Variants in CNTNAP2 observed in about 807,000 individuals in gnomAD.
CNTNAP2 encodes contactin associated protein 2.
In CNTNAP2, 98 loss-of-function variants were observed where a neutral mutation model predicts 155.2. The observed-to-expected ratio is 0.63, with a 90% CI of 0.54 to 0.75. The LOEUF (loss-of-function observed/expected upper bound fraction) is 0.75, where lower values mean the gene tolerates loss of function less well. CNTNAP2 is among the 30% of genes least tolerant of loss of function. The probability of loss-of-function intolerance (pLI) is 0.00; values close to 1 mark genes in which losing one functional copy is unlikely to be tolerated. For synonymous variants in CNTNAP2, 651 were observed against 631.2 expected, an observed-to-expected ratio of 1.03 and a Z score of -0.47; for missense variants, 1,727 against 1,688.1, an observed-to-expected ratio of 1.02 and a Z score of -0.40.
chr7:147,224,032 G>A (rs1347970213), intron 8 of CNTNAP2, among the ~76,000 whole-genome samples: 1 of 73,662 alleles, frequency 1.4e-5, no homozygotes. Flanking sequence ...TTGGCCCAAG[G>A]CCACCTGGAG....
Position 147,694,669 on chromosome 7 carries a change from G to A in CNTNAP2, c.2098+55363G>A, listed in dbSNP as rs551941833. Among the ~76,000 whole-genome samples the A allele has an allele frequency of 4.6e-5, 7 of 151,996 alleles. No individual in the cohort carries two copies. In the East Asian group the frequency reaches 1.2e-3, roughly 25 times the overall value. On this transcript the variant is annotated intron_variant, in intron 13 of 23. Transcript: ENST00000361727. ...TCCTTTAATGTCCACAGAATCTGTAGTGATGGCACCTCTTTCATTTCTGCT... is the reference window on the plus strand; with the variant it reads ...TCCTTTAATGTCCACAGAATCTGTAATGATGGCACCTCTTTCATTTCTGCT...
intron 9 of CNTNAP2, among the ~76,000 whole-genome samples, chr7:147,393,778 A>AT (rs370133618): frequency 2.5e-4 from 38 of 151,796 alleles, no homozygotes; most frequent in Admixed American, 6.6e-4. Flanking sequence ...CCTTACATGG[A>AT]TTTTTTTTAA....
intron 1 of CNTNAP2, among the ~76,000 whole-genome samples, chr7:146,709,291 T>C (rs1024367234): frequency 6.6e-6 from 1 of 152,168 alleles, no homozygotes; most frequent in African/African-American, 2.4e-5. Flanking sequence ...TGAACTTTTC[T>C]CTTCACTGTA....
chr7:148,324,794 C>A (rs869167536), intron 21 of CNTNAP2, among the ~76,000 whole-genome samples: 123 of 105,792 alleles, frequency 1.2e-3, no homozygotes, highest in African/African-American at 1.7e-3. Flanking sequence ...GACTCCATCT[C>A]AAAAAAAAAA....
Position 147,348,388 on chromosome 7 carries a change from GA to G in CNTNAP2, c.1499-47213del, listed in dbSNP as rs1182599414. 1.8e-4 allele frequency among the ~76,000 whole-genome samples: 26 copies of G among 146,150 alleles called. No individual in the cohort carries two copies. The East Asian group carries it at 2.6e-3, about 15-fold the overall frequency. On this transcript the variant is annotated intron_variant, in intron 9 of 23. Transcript: ENST00000361727. ...ACATACAAATAGCAAAAAAAAAAAT[GA>G]AAAAAAATTCTCAACATTACTAATT...
intron 1 of CNTNAP2, among the ~76,000 whole-genome samples, chr7:146,593,096 CA>C (rs1242335923): frequency 6.6e-6 from 1 of 151,896 alleles, no homozygotes; most frequent in Non-Finnish European, 1.5e-5. Flanking sequence ...CCAAAACCTC[CA>C]ACTTCATCTT....
chr7:146,351,970 CTG>C (rs1794921018), intron 1 of CNTNAP2, among the ~76,000 whole-genome samples: 2 of 152,210 alleles, frequency 1.3e-5, no homozygotes, highest in Admixed American at 6.5e-5. Context: ...AAATATTGGT[CTG>C]TGTTAGGAAG....
At chr7:148,289,242 C>A (rs1162586053) in intron 21 of CNTNAP2, among the ~76,000 whole-genome samples, 1 of 152,150 alleles carries the variant, frequency 6.6e-6, no homozygotes, top group African/African-American at 2.4e-5. Context: ...GAAGGTGAAT[C>A]TTTTCTGTGA....
chr7:146,149,995 C>T (rs184595492), intron 1 of CNTNAP2, among the ~76,000 whole-genome samples: 56 of 151,866 alleles, frequency 3.7e-4, no homozygotes, highest in Middle Eastern at 3.4e-3. Context: ...AAAAGCTAAG[C>T]TATGGGAGAA....
intron 1 of CNTNAP2, among the ~76,000 whole-genome samples, chr7:146,388,360 G>A (rs554699441): frequency 5.7e-4 from 86 of 152,006 alleles, no homozygotes; most frequent in Non-Finnish European, 1.0e-3. Flanking sequence ...ACCTGAGCCC[G>A]GGAGGTTGAG....
chr7:146,257,803 T>C (rs1799861648), intron 1 of CNTNAP2, among the ~76,000 whole-genome samples: 1 of 152,180 alleles, frequency 6.6e-6, no homozygotes. Context: ...TTGTAACAGT[T>C]CTCAACAAGA....
chr7:146,947,278 T>A (rs1300033662), intron 3 of CNTNAP2, among the ~76,000 whole-genome samples: 1 of 151,344 alleles, frequency 6.6e-6, no homozygotes, highest in African/African-American at 2.4e-5. Flanking sequence ...TTTTTTAAAT[T>A]TTTTTCTCCA....
At chr7:147,943,766 CAAAAAAAAAAAAAAAAA>C (rs144842680) in intron 14 of CNTNAP2, among the ~76,000 whole-genome samples, 1 of 40,168 alleles carries the variant, frequency 2.5e-5, no homozygotes, top group Non-Finnish European at 4.1e-5. Flanking sequence ...GACCCCGTCT[CAAAAAAAAAAAAAAAAA>C]AAAAAAAAAA....
chr7:147,981,786 G>GGTATGTGTGTGTGTGTGTGTGTGTGTGT lies in CNTNAP2; in HGVS notation c.2383+3799_2383+3800insATGTGTGTGTGTGTGTGTGTGTGTGTGT, dbSNP rs1483366188. Among the ~76,000 whole-genome samples the GGTATGTGTGTGTGTGTGTGTGTGTGTGT allele has an allele frequency of 4.2e-5, 6 of 143,732 alleles. 1 individual carries two copies. The highest frequency in any genetic ancestry group is 1.6e-4 in the African/African-American group (6 of 38,662). 94.3% of individuals were successfully genotyped at this position (143,732 alleles called of 152,430 possible). A position where few individuals can be genotyped will look rare whatever the true frequency, so the allele number is the denominator to read the frequency against. On this transcript the variant is annotated intron_variant, in intron 15 of 23. Coordinates refer to ENST00000361727, the MANE Select transcript of CNTNAP2 (RefSeq NM_014141.6). The stretch of plus-strand genomic sequence containing the variant: ...TCTGTGAAATGCTTATGTCCTTACA[G>GGTATGTGTGTGTGTGTGTGTGTGTGTGT]GTGTGTGTGTGTGTGTGTGTGTGTG...
At chr7:146,745,724 C>A (rs1033987687) in intron 1 of CNTNAP2, among the ~76,000 whole-genome samples, 3 of 150,244 alleles carry the variant, frequency 2.0e-5, no homozygotes, top group Non-Finnish European at 4.4e-5. Flanking sequence ...TGAGATTGTG[C>A]CACTGTACTC....
intron 1 of CNTNAP2, among the ~76,000 whole-genome samples, chr7:146,222,655 TA>T (rs1214211660): frequency 2.2e-5 from 2 of 91,356 alleles, no homozygotes; most frequent in African/African-American, 4.4e-5. Context: ...TGGGAAAAGG[TA>T]AATTTTTTTT....
chr7:147,191,979 G>A (rs1482030920), intron 8 of CNTNAP2, among the ~76,000 whole-genome samples: 2 of 152,106 alleles, frequency 1.3e-5, no homozygotes, highest in African/African-American at 4.8e-5. Flanking sequence ...TTTGGGAGTG[G>A]GGAGTGTATA....
chr7:148,280,130 G>A (rs1465799618), intron 21 of CNTNAP2, among the ~76,000 whole-genome samples: 1 of 151,952 alleles, frequency 6.6e-6, no homozygotes, highest in Non-Finnish European at 1.5e-5. Context: ...CCAACATGGT[G>A]AAATCTGTCT....
intron 13 of CNTNAP2, among the ~76,000 whole-genome samples, chr7:147,738,522 C>T (rs539881174): frequency 1.3e-5 from 2 of 152,244 alleles, no homozygotes; most frequent in East Asian, 1.9e-4. Context: ...ATGTTTCCAA[C>T]TTTTTGAAGG....
Sources: gnomAD v4.1 joint callset for allele counts (sites outside exome capture counted in the v4.1 genomes callset) on GRCh38, gnomAD v4.1.1 for gene constraint, MANE v1.5 for transcripts, NCBI Gene and HGNC (gene_info 2026-07-23, HGNC 2026-07-21) for gene names.